The following SDK2 variants were observed in gnomAD, a reference collection of about 807,000 sequenced individuals.
The protein encoded by SDK2 is protein sidekick-2.
In SDK2, 105 loss-of-function variants were observed where a neutral mutation model predicts 253.9. The observed-to-expected ratio is 0.41, with a 90% CI of 0.35 to 0.49. The LOEUF is 0.49. Ranked by LOEUF, SDK2 falls within the 20% of genes least tolerant of loss-of-function variation. The pLI is 0.06. For missense variants in SDK2, 2,608 were observed against 3,003.0 expected (o/e 0.87, Z 3.07); for synonymous variants, 1,249 against 1,234.9 (o/e 1.01, Z -0.24).
intron 9 of SDK2, 83 bp from the exon 10 acceptor site, chr17:73,433,931 C>A: frequency 1.1e-6 from 1 of 934,716 alleles, no homozygotes; most frequent in Non-Finnish European, 1.6e-6. Flanking sequence ...CCAAGCCCAC[C>A]GAGGGCCAGG....
intron 3 of SDK2, among the ~76,000 whole-genome samples, chr17:73,471,228 C>T (rs1251078399): frequency 6.6e-6 from 1 of 152,164 alleles, no homozygotes; most frequent in African/African-American, 2.4e-5. Flanking sequence ...CCATGAGGCA[C>T]CTCCCAGCAC....
chr17:73,539,843 G>A (rs1342528331), intron 1 of SDK2, among the ~76,000 whole-genome samples: 1 of 152,238 alleles, frequency 6.6e-6, no homozygotes, highest in African/African-American at 2.4e-5. Context: ...GATGACAGAG[G>A]CGGAGATGGA....
intron 1 of SDK2, among the ~76,000 whole-genome samples, chr17:73,640,266 G>GT (rs1256748864): frequency 1.3e-5 from 2 of 150,778 alleles, no homozygotes; most frequent in African/African-American, 4.9e-5. Flanking sequence ...GGGTGTGTGT[G>GT]TGGGGGGGTC....
chr17:73,625,980 C>T (rs2046194920), intron 1 of SDK2, among the ~76,000 whole-genome samples: 1 of 152,166 alleles, frequency 6.6e-6, no homozygotes, highest in Admixed American at 6.5e-5. Flanking sequence ...GCAAAAGATG[C>T]CGCTGGTCCT....
chr17:73,354,521 C>T (rs140848797), intron 40 of SDK2, among the ~76,000 whole-genome samples: 2,030 of 152,212 alleles, frequency 0.013, 25 homozygotes, highest in South Asian at 0.065. Context: ...AGAGAGGGTG[C>T]GTCTTCCTGC....
intron 1 of SDK2, among the ~76,000 whole-genome samples, chr17:73,528,910 G>T (rs934115177): frequency 6.6e-6 from 1 of 152,198 alleles, no homozygotes; most frequent in Non-Finnish European, 1.5e-5. Flanking sequence ...CAAGGAGCCA[G>T]GGGAGCAGGC....
At chr17:73,347,459 G>C (rs1442046751) in intron 44 of SDK2, among the ~76,000 whole-genome samples, 1 of 152,204 alleles carries the variant, frequency 6.6e-6, no homozygotes, top group Non-Finnish European at 1.5e-5. Flanking sequence ...TTGAGCTAGG[G>C]AGTTAGGTCC....
intron 5 of SDK2, among the ~76,000 whole-genome samples, chr17:73,445,220 T>G (rs1307024829): frequency 6.6e-6 from 1 of 152,208 alleles, no homozygotes; most frequent in Non-Finnish European, 1.5e-5. Flanking sequence ...CCATTAATAT[T>G]CTTTACATTG....
chr17:73,608,114 T>C (rs1292676365), intron 1 of SDK2, among the ~76,000 whole-genome samples: 1 of 152,074 alleles, frequency 6.6e-6, no homozygotes, highest in East Asian at 1.9e-4. Flanking sequence ...GAATCCCACA[T>C]TACGTTTCAC....
In SDK2 at chr17:73,379,077, G is replaced by A. The variant is rs1206580611; in HGVS notation, c.4980+100C>T. 6 of 829,146 alleles carry A rather than the reference G, an allele frequency of 7.2e-6. No homozygotes were observed. Among genetic ancestry groups the A allele is most frequent in the Non-Finnish European group, 1.2e-5 (6 of 512,508 alleles). The allele number at this position is 829,146 out of a possible 1,614,324, so 51.4% of individuals were successfully genotyped here. ...CGAGGAGCTGGCTGGATGAATGGAGGGCCTGGGGACCTGCCTGCCTCCCAC... is the reference window on the plus strand; with the variant it reads ...CGAGGAGCTGGCTGGATGAATGGAGAGCCTGGGGACCTGCCTGCCTCCCAC... On this transcript the variant is annotated intron_variant, in intron 36 of 44. Transcript: ENST00000392650. The surrounding 1 kb of genome is among the most constrained non-coding windows in gnomAD (Gnocchi z 4.5).
intron 2 of SDK2, among the ~76,000 whole-genome samples, chr17:73,476,687 A>G (rs2063688356): frequency 6.6e-6 from 1 of 152,126 alleles, no homozygotes; most frequent in Non-Finnish European, 1.5e-5. Context: ...GCGAGATCCT[A>G]GCTCACTGTA....
At chr17:73,494,783 C>A (rs775277473) in intron 2 of SDK2, among the ~76,000 whole-genome samples, 21 of 152,174 alleles carry the variant, frequency 1.4e-4, no homozygotes, top group Non-Finnish European at 2.8e-4. Flanking sequence ...ACACTCGGTC[C>A]CCTCATGTCG....
chr17:73,350,476 G>C, intron 42 of SDK2, 101 bp from the exon 43 acceptor site: 2 of 1,477,756 alleles, frequency 1.4e-6, no homozygotes, highest in Non-Finnish European at 1.8e-6. Flanking sequence ...TCTTGGTAGA[G>C]TTGAGACCAA....
intron 2 of SDK2, among the ~76,000 whole-genome samples, chr17:73,484,246 G>A (rs377478125): frequency 7.2e-4 from 109 of 152,250 alleles, no homozygotes; most frequent in African/African-American, 2.4e-3. Flanking sequence ...ACCAAATTAA[G>A]ACAAGCTGAT....
chr17:73,440,079 C>T (rs953772288), intron 6 of SDK2, among the ~76,000 whole-genome samples: 40 of 150,966 alleles, frequency 2.6e-4, no homozygotes, highest in Non-Finnish European at 4.7e-4. Context: ...CTCCTGACCC[C>T]TGATCTGCCC....
intron 3 of SDK2, among the ~76,000 whole-genome samples, chr17:73,464,303 G>T (rs2063583245): frequency 2.0e-5 from 3 of 152,124 alleles, no homozygotes; most frequent in Admixed American, 2.0e-4. Context: ...ATAGTGAGTG[G>T]GTTCTCACGA....
chr17:73,498,692 T>A (rs1433250023), intron 2 of SDK2, among the ~76,000 whole-genome samples: 1 of 152,208 alleles, frequency 6.6e-6, no homozygotes, highest in East Asian at 1.9e-4. Context: ...GAGTTGCTGA[T>A]GTTAAGGGAT....
chr17:73,569,236 C>T (rs1338001926), intron 1 of SDK2, among the ~76,000 whole-genome samples: 2 of 146,074 alleles, frequency 1.4e-5, no homozygotes, highest in Admixed American at 7.0e-5. Context: ...CTCACTCTGT[C>T]GCCCAGGCTG....
intron 4 of SDK2, among the ~76,000 whole-genome samples, chr17:73,451,750 C>T (rs1054218074): frequency 1.3e-5 from 2 of 152,178 alleles, no homozygotes; most frequent in African/African-American, 4.8e-5. Context: ...GCTTGTGGCT[C>T]TCTCCAGAAT....
Sources: gnomAD v4.1 joint callset for allele counts (sites outside exome capture counted in the v4.1 genomes callset) on GRCh38, gnomAD v4.1.1 for gene constraint, Gnocchi (gnomAD v3.1) non-coding constraint, MANE v1.5 for transcripts, NCBI Gene and HGNC (gene_info 2026-07-23, HGNC 2026-07-21) for gene names.